The following CSMD1 variants were observed in gnomAD, a reference collection of about 807,000 sequenced individuals.
The protein encoded by CSMD1 is CUB and sushi domain-containing protein 1.
Under a neutral mutation model 417.5 loss-of-function variants are expected in CSMD1, and 213 were observed. The observed-to-expected ratio is 0.51, with a 90% CI of 0.46 to 0.57. The LOEUF (loss-of-function observed/expected upper bound fraction) is 0.57, where lower values mean the gene tolerates loss of function less well. CSMD1 is among the 20% of genes least tolerant of loss of function. The pLI is 0.00. For synonymous variants in CSMD1, 2,862 were observed against 1,736.8 expected, an observed-to-expected ratio of 1.65 and a Z score of -16.11; for missense variants, 6,923 against 4,529.7, an observed-to-expected ratio of 1.53 and a Z score of -15.17.
At chr8:4,523,236 T>C (rs1803573338) in intron 2 of CSMD1, among the ~76,000 whole-genome samples, 1 of 152,222 alleles carries the variant, frequency 6.6e-6, no homozygotes, top group Admixed American at 6.5e-5. Flanking sequence ...GAGCAAGGGA[T>C]ATAAAAACAA....
At chr8:4,461,284 T>G (rs991076375) in intron 2 of CSMD1, among the ~76,000 whole-genome samples, 2 of 152,054 alleles carry the variant, frequency 1.3e-5, no homozygotes, top group Non-Finnish European at 2.9e-5. Context: ...TTGTATTTAA[T>G]GAAATATTGA....
chr8:4,064,122 A>G (rs898819800), intron 3 of CSMD1, among the ~76,000 whole-genome samples: 1 of 152,168 alleles, frequency 6.6e-6, no homozygotes, highest in Non-Finnish European at 1.5e-5. Flanking sequence ...GGGTCCTAGA[A>G]AATTGTTTCT....
chr8:3,998,264 T>C (rs1351104530), intron 4 of CSMD1, among the ~76,000 whole-genome samples, 154 bp from the exon 5 acceptor site: 1 of 152,218 alleles, frequency 6.6e-6, no homozygotes, highest in African/African-American at 2.4e-5. Flanking sequence ...GGTATGTTAA[T>C]GAGTTCTATG....
chr8:3,690,456 G>C lies in CSMD1; in HGVS notation c.1009+17958C>G, dbSNP rs539741430. Among the ~76,000 whole-genome samples, 315 of 152,366 alleles carry C rather than the reference G, an allele frequency of 2.1e-3. 1 individual carries two copies. The highest frequency in any genetic ancestry group is 0.018 in the South Asian group (85 of 4,828). On this transcript the variant is annotated intron_variant, in intron 7 of 69. Coordinates refer to ENST00000635120, the MANE Select transcript of CSMD1 (RefSeq NM_033225.6). ...TGTATGTGGGTAAACTGTCACAGTA[G>C]TGTTCAAGGCTTCTCAACATGTGGG...
chr8:4,160,388 T>C (rs1394101841), intron 3 of CSMD1, among the ~76,000 whole-genome samples: 10 of 152,348 alleles, frequency 6.6e-5, no homozygotes, highest in African/African-American at 1.9e-4. Context: ...TGGTGTTATG[T>C]TGACATATAT....
intron 5 of CSMD1, among the ~76,000 whole-genome samples, chr8:3,985,093 G>C (rs539558060): frequency 6.6e-5 from 10 of 152,006 alleles, no homozygotes; most frequent in South Asian, 2.1e-4. Context: ...ATGTTACTTA[G>C]GGGGGACTTG....
chr8:2,946,704 A>G (rs1802264524), intron 68 of CSMD1, among the ~76,000 whole-genome samples: 2 of 152,222 alleles, frequency 1.3e-5, no homozygotes, highest in South Asian at 2.1e-4. Context: ...CTAAGCATTC[A>G]TGTACAAGTT....
chr8:3,959,498 A>G (rs1327660635), intron 5 of CSMD1, among the ~76,000 whole-genome samples: 1 of 152,204 alleles, frequency 6.6e-6, no homozygotes, highest in African/African-American at 2.4e-5. Flanking sequence ...GACTCCGTCA[A>G]GAAAGAAATA....
At chr8:3,368,425 C>A (rs549014321) in intron 19 of CSMD1, among the ~76,000 whole-genome samples, 4 of 152,272 alleles carry the variant, frequency 2.6e-5, no homozygotes, top group African/African-American at 9.6e-5. Flanking sequence ...CAACTTCCGC[C>A]TCCTGGGTTC....
intron 36 of CSMD1, among the ~76,000 whole-genome samples, chr8:3,184,587 A>G (rs1012062348): frequency 1.3e-5 from 2 of 152,236 alleles, no homozygotes; most frequent in Non-Finnish European, 2.9e-5. Context: ...TCTGCACACA[A>G]AATAACCTGC....
At chr8:4,446,583 T>C (rs1025995564) in intron 2 of CSMD1, among the ~76,000 whole-genome samples, 1 of 152,100 alleles carries the variant, frequency 6.6e-6, no homozygotes, top group African/African-American at 2.4e-5. Context: ...AGATGGAGTC[T>C]CATTCTGTCA....
chr8:4,185,812 G>A (rs971645559), intron 3 of CSMD1, among the ~76,000 whole-genome samples: 1 of 152,204 alleles, frequency 6.6e-6, no homozygotes, highest in African/African-American at 2.4e-5. Context: ...CCCAGTGCCA[G>A]AGTCAGAAAG....
At chr8:4,293,583 G>C (rs1797497223) in intron 3 of CSMD1, among the ~76,000 whole-genome samples, 1 of 152,050 alleles carries the variant, frequency 6.6e-6, no homozygotes, top group Admixed American at 6.6e-5. Context: ...CACAATAAAA[G>C]AGCTCATCTC....
At chr8:3,890,844 C>T (rs1260785438) in intron 5 of CSMD1, among the ~76,000 whole-genome samples, 3 of 152,036 alleles carry the variant, frequency 2.0e-5, no homozygotes, top group African/African-American at 7.2e-5. Flanking sequence ...TGCTCATACT[C>T]AGTAAGTATA....
At chr8:4,144,549 G>C (rs866157689) in intron 3 of CSMD1, among the ~76,000 whole-genome samples, 4 of 150,944 alleles carry the variant, frequency 2.6e-5, no homozygotes, top group Admixed American at 2.6e-4. Context: ...AATCTGGTTA[G>C]AGTCTCCTAA....
intron 10 of CSMD1, among the ~76,000 whole-genome samples, chr8:3,534,155 C>G (rs897477358): frequency 1.3e-5 from 2 of 152,184 alleles, no homozygotes; most frequent in Non-Finnish European, 2.9e-5. Context: ...AACAAATACC[C>G]TTGAAGTAAT....
intron 10 of CSMD1, among the ~76,000 whole-genome samples, chr8:3,519,148 C>G (rs1055003611): frequency 6.6e-6 from 1 of 152,118 alleles, no homozygotes; most frequent in East Asian, 1.9e-4. Context: ...AAAAACATAC[C>G]TATTTAATAA....
At chr8:3,708,355 A>T (rs1490067986) in intron 7 of CSMD1, 59 bp downstream of exon 7, 2 of 1,454,180 alleles carry the variant, frequency 1.4e-6, no homozygotes, top group Non-Finnish European at 1.9e-6. Context: ...TAACTGCTCC[A>T]TTCTCTCCTC....
At chr8:3,472,404 C>A (rs1284243597) in intron 11 of CSMD1, among the ~76,000 whole-genome samples, 1 of 152,104 alleles carries the variant, frequency 6.6e-6, no homozygotes, top group Non-Finnish European at 1.5e-5. Flanking sequence ...TTTACCCAGC[C>A]TGGACAACAT....
Sources: allele counts gnomAD v4.1 joint callset (sites outside exome capture counted in the v4.1 genomes callset), GRCh38; gene constraint gnomAD v4.1.1; transcripts MANE v1.5; gene names NCBI Gene and HGNC (gene_info 2026-07-23, HGNC 2026-07-21).